NFE2L3: variants seen among roughly 807,000 people sequenced by gnomAD.
NFE2L3 encodes nuclear factor erythroid 2-related factor 3.
NFE2L3 carries 18 observed loss-of-function variants against 23.5 expected under a neutral mutation model. The observed-to-expected ratio is 0.77, with a 90% confidence interval of 0.53 to 1.13. NFE2L3 has a LOEUF of 1.13. Among genes scored for constraint, NFE2L3 ranks in the 50% most tolerant of loss-of-function variants. The probability of loss-of-function intolerance (pLI) is 0.00; values close to 1 mark genes in which losing one functional copy is unlikely to be tolerated. For synonymous variants in NFE2L3, 424 were observed against 354.5 expected, an observed-to-expected ratio of 1.20 and a Z score of -2.20; for missense variants, 1,152 against 877.2, an observed-to-expected ratio of 1.31 and a Z score of -3.96.
chr7:26,171,876 G>T (rs1784332309), intron 1 of NFE2L3, among the ~76,000 whole-genome samples: 1 of 152,208 alleles, frequency 6.6e-6, no homozygotes, highest in Non-Finnish European at 1.5e-5. Context: ...TAGAATGTAA[G>T]ATGTGAAGGG....
chr7:26,154,499 C>A (rs1784051796), intron 1 of NFE2L3, among the ~76,000 whole-genome samples: 1 of 152,190 alleles, frequency 6.6e-6, no homozygotes, highest in South Asian at 2.1e-4. Flanking sequence ...TCCTCGGAAA[C>A]TTCCCTCCCG....
At chr7:26,175,192 CAAAAAAA>C (rs55911511) in intron 1 of NFE2L3, among the ~76,000 whole-genome samples, 9 of 101,782 alleles carry the variant, frequency 8.8e-5, no homozygotes, top group Admixed American at 2.9e-4. Context: ...TAAAAAATAC[CAAAAAAA>C]AAAAAAAAAA....
At chr7:26,173,861 G>A (rs562390459) in intron 1 of NFE2L3, 1 of 152,260 alleles carries the variant, frequency 6.6e-6, no homozygotes, top group East Asian at 1.9e-4. Flanking sequence ...ATTCTAGTAG[G>A]ACAAACAGCA....
chr7:26,164,816 T>C (rs920629608), intron 1 of NFE2L3, among the ~76,000 whole-genome samples: 2 of 152,210 alleles, frequency 1.3e-5, no homozygotes, highest in Non-Finnish European at 2.9e-5. Context: ...CTTTAATCCA[T>C]CTTGAATTAA....
At chr7:26,183,419 A>T (rs1343939794) in intron 2 of NFE2L3, among the ~76,000 whole-genome samples, 1 of 152,102 alleles carries the variant, frequency 6.6e-6, no homozygotes, top group Non-Finnish European at 1.5e-5. Flanking sequence ...GTGGTGGTGC[A>T]CAGCTGTAAT....
rs1782433222 is a variant in NFE2L3, at chr7:26,184,650, G to A, written c.952G>A (p.Ala318Thr). ...AAGTCAGGATGTGAATCTTCATGAG[G>A]CCATCTTGCTTTGTCCCAACAATAC... Reference protein sequence around the residue: ...AISQDVNLHEAILLCPNNTFR... With the variant: ...AISQDVNLHETILLCPNNTFR... The change falls in exon 4 of 4, where the codon GCC (alanine) becomes ACC (threonine). Residue 318 changes from alanine (A) to threonine (T), a missense_variant. Coordinates refer to ENST00000056233, the MANE Select transcript of NFE2L3 (RefSeq NM_004289.7). The A allele has an allele frequency of 2.5e-6, 4 of 1,613,914 alleles. No individual in the cohort carries two copies. Among genetic ancestry groups the A allele is most frequent in the Non-Finnish European group, 3.4e-6 (4 of 1,179,844 alleles).
At chr7:26,184,348 TTC>T (rs1782425430) in intron 3 of NFE2L3, 183 bp from the exon 4 acceptor site, 1 of 554,062 alleles carries the variant, frequency 1.8e-6, no homozygotes, top group South Asian at 2.6e-5. Flanking sequence ...ATTCCAGGTA[TTC>T]TGATTTGGAC....
chr7:26,152,256 TG>T lies in NFE2L3; in HGVS notation c.-241del, dbSNP rs1784007402. ...TGGGCGAACGGGCTCGGCGCTCAGG[TG>T]GCTCCTTCTTCGCTTCTCCCGATCC... On this transcript the variant is annotated 5_prime_UTR_variant, in exon 1 of 4. Coordinates refer to ENST00000056233, the MANE Select transcript of NFE2L3 (RefSeq NM_004289.7). This position sits in a 1 kb window ranked among gnomAD's most constrained non-coding sequence, Gnocchi z 4.4. 4.5e-6 allele frequency: 1 copy of T among 222,002 alleles called. No homozygotes were observed. Among genetic ancestry groups the T allele is most frequent in the South Asian group, 1.8e-4 (1 of 5,518 alleles). 13.8% of individuals were successfully genotyped at this position (222,002 alleles called of 1,614,324 possible). A position where few individuals can be genotyped will look rare whatever the true frequency, so the allele number is the denominator to read the frequency against.
rs374218819 is a variant in NFE2L3 at position 26,185,217 on chromosome 7, C to G, written c.1519C>G (p.Pro507Ala). ...CACTTACCACTTACAGCCAACTGCA[C>G]CAGAATCTACTTCTGAACCTTTTCC... ...NHTYHLQPTAPESTSEPFPWP... is the reference protein window; with the variant it reads ...NHTYHLQPTAAESTSEPFPWP... The change falls in exon 4 of 4, where the codon CCA becomes GCA. Residue 507 changes from proline (P) to alanine (A), a missense_variant. Coordinates refer to ENST00000056233, the MANE Select transcript of NFE2L3 (RefSeq NM_004289.7). 6.2e-7 allele frequency: 1 copy of G among 1,613,940 alleles called. No individual in the cohort carries two copies. Among genetic ancestry groups the G allele is most frequent in the Non-Finnish European group, 8.5e-7 (1 of 1,179,908 alleles).
chr7:26,175,778 C>G (rs866872854), intron 1 of NFE2L3, among the ~76,000 whole-genome samples: 1 of 80,376 alleles, frequency 1.2e-5, no homozygotes, highest in African/African-American at 4.5e-5. Context: ...GACTCTGTCT[C>G]AAAAAAAAAA....
chr7:26,161,927 G>A (rs997969663), intron 1 of NFE2L3, among the ~76,000 whole-genome samples: 2 of 152,154 alleles, frequency 1.3e-5, no homozygotes, highest in Non-Finnish European at 2.9e-5. Context: ...AAGATCACTT[G>A]AGGTCAGGAG....
intron 3 of NFE2L3, 178 bp from the exon 4 acceptor site, chr7:26,184,355 T>A: frequency 1.8e-6 from 1 of 571,418 alleles, no homozygotes; most frequent in Non-Finnish European, 3.1e-6. Context: ...GTATTCTGAT[T>A]TGGACTCACA....
At position 26,184,700 on chromosome 7, in the gene NFE2L3, G is replaced by T; in HGVS notation, c.1002G>T (p.Arg334Ser). The change falls in exon 4 of 4, where the codon AGG becomes AGT. Residue 334 changes from arginine (R) to serine (S), a missense_variant. Transcript: ENST00000056233. ...CATTTAGAAGAGATCCAACAGCAAG[G>T]ACTTCACAGTCACAAGAACCATTTC... ...NNTFRRDPTA[R>S]TSQSQEPFLQ... 6.2e-7 allele frequency: 1 copy of T among 1,613,840 alleles called. No homozygotes were observed. Among genetic ancestry groups the T allele is most frequent in the Non-Finnish European group, 8.5e-7 (1 of 1,179,826 alleles).
At chr7:26,176,175 G>C (rs1280021926) in intron 1 of NFE2L3, among the ~76,000 whole-genome samples, 2 of 152,100 alleles carry the variant, frequency 1.3e-5, no homozygotes, top group South Asian at 2.1e-4. Flanking sequence ...AGGGGGTTGG[G>C]AGTAAGGTTA....
At position 26,185,119 on chromosome 7, in the gene NFE2L3, A is replaced by G; in HGVS notation, c.1421A>G (p.Lys474Arg). Residue 474 changes from lysine to arginine, a missense_variant, in exon 4 of 4, where the codon AAG becomes AGG. Coordinates refer to ENST00000056233, the MANE Select transcript of NFE2L3 (RefSeq NM_004289.7). ...AVGGYYPEPSKLCHLDQSDSD... is the reference protein window; with the variant it reads ...AVGGYYPEPSRLCHLDQSDSD... ...GGTGGCTACTACCCAGAACCCAGTA[A>G]GCTTTGTCACTTGGATCAAAGTGAT... 1.2e-6 allele frequency: 2 copies of G among 1,613,908 alleles called. No homozygotes were observed. The highest frequency in any genetic ancestry group is 1.7e-6 in the Non-Finnish European group (2 of 1,179,830).
chr7:26,156,355 A>C (rs1356448319), intron 1 of NFE2L3, among the ~76,000 whole-genome samples: 1 of 152,228 alleles, frequency 6.6e-6, no homozygotes, highest in Non-Finnish European at 1.5e-5. Context: ...AAAAATAGAT[A>C]ATTCCGGTGG....
intron 1 of NFE2L3, among the ~76,000 whole-genome samples, chr7:26,177,238 C>T (rs1421937355): frequency 6.6e-6 from 1 of 152,216 alleles, no homozygotes; most frequent in East Asian, 1.9e-4. Context: ...TTTGGGAGGC[C>T]AAGGCAGGCA....
chr7:26,183,949 T>TTCCAAATAATC (rs1782402151), intron 3 of NFE2L3, 165 bp downstream of exon 3: 3 of 555,328 alleles, frequency 5.4e-6, no homozygotes, highest in Non-Finnish European at 9.6e-6. Flanking sequence ...GCATTCCTCT[T>TTCCAAATAATC]TCCAAATAAT....
At position 26,185,907 on chromosome 7, in the gene NFE2L3, A is replaced by G; in HGVS notation, c.*124A>G. On this transcript the variant is annotated 3_prime_UTR_variant, in exon 4 of 4. Coordinates refer to ENST00000056233, the MANE Select transcript of NFE2L3 (RefSeq NM_004289.7). ...TTAAGTACTGCTACTTGAATAACTC[A>G]GTTAACGCTGTTTTGAAGCTTACAT... 5 of 810,834 alleles carry G rather than the reference A, an allele frequency of 6.2e-6. No homozygotes were observed. Among genetic ancestry groups the G allele is most frequent in the Non-Finnish European group, 9.4e-6 (5 of 531,036 alleles). 50.2% of individuals were successfully genotyped at this position (810,834 alleles called of 1,614,324 possible). A position where few individuals can be genotyped will look rare whatever the true frequency, so the allele number is the denominator to read the frequency against.
Sources: gnomAD v4.1 joint callset for allele counts (sites outside exome capture counted in the v4.1 genomes callset) on GRCh38, gnomAD v4.1.1 for gene constraint, Gnocchi (gnomAD v3.1) non-coding constraint, MANE v1.5 for transcripts, NCBI Gene and HGNC (gene_info 2026-07-23, HGNC 2026-07-21) for gene names.